Variants in SUPT16H observed in about 807,000 individuals in gnomAD.
The protein encoded by SUPT16H is SPT16 homolog, facilitates chromatin remodeling subunit, also known as FACT complex subunit SPT16.
In SUPT16H, 24 loss-of-function variants were observed where a neutral mutation model predicts 136.2. That is an observed-to-expected ratio of 0.18 (90% CI 0.13 to 0.25). The LOEUF (loss-of-function observed/expected upper bound fraction) is 0.25. SUPT16H is among the 10% of genes least tolerant of loss of function. The pLI is 1.00. For missense variants in SUPT16H, 623 were observed against 1,270.2 expected (o/e 0.49, Z 7.74); for synonymous variants, 415 against 428.2 (o/e 0.97, Z 0.38).
At chr14:21,367,372 G>GTT (rs1411148910) in intron 7 of SUPT16H, among the ~76,000 whole-genome samples, 1 of 152,204 alleles carries the variant, frequency 6.6e-6, no homozygotes, top group African/African-American at 2.4e-5. Flanking sequence ...TGGTGGGCCT[G>GTT]TTCCATTTAT....
intron 8 of SUPT16H, 83 bp downstream of exon 8, chr14:21,366,356 C>A: frequency 7.7e-7 from 1 of 1,295,742 alleles, no homozygotes; most frequent in Non-Finnish European, 1.1e-6. Context: ...CTGAATCAAT[C>A]AATTAGCCTA....
chr14:21,371,106 C>T (rs537425582), intron 3 of SUPT16H, among the ~76,000 whole-genome samples: 4 of 151,196 alleles, frequency 2.6e-5, no homozygotes, highest in East Asian at 2.0e-4. Flanking sequence ...GGAACTCCTG[C>T]GCTCAAGTGC....
chr14:21,368,214 G>A, intron 7 of SUPT16H, 55 bp downstream of exon 7: 1 of 1,552,640 alleles, frequency 6.4e-7, no homozygotes. Flanking sequence ...ACAGCTCCCG[G>A]CCAATGACAT....
chr14:21,383,512 A>G, intron 1 of SUPT16H: 1 of 632,550 alleles, frequency 1.6e-6, no homozygotes, highest in Admixed American at 2.5e-5. Context: ...GGACAGAGCG[A>G]GTGCGTGAGA....
At chr14:21,355,845 A>C (rs1184214553) in intron 22 of SUPT16H, among the ~76,000 whole-genome samples, 1 of 152,208 alleles carries the variant, frequency 6.6e-6, no homozygotes, top group Non-Finnish European at 1.5e-5. Context: ...ACTTTAGACA[A>C]TATACACGGC....
intron 15 of SUPT16H, among the ~76,000 whole-genome samples, chr14:21,361,923 C>A (rs79699880): frequency 0.021 from 3,195 of 152,126 alleles, 112 homozygotes; most frequent in African/African-American, 0.074. Context: ...CACACCACCA[C>A]CCCTGGTTAA....
chr14:21,378,533 T>C (rs1248042916), intron 1 of SUPT16H, among the ~76,000 whole-genome samples: 1 of 152,092 alleles, frequency 6.6e-6, no homozygotes, highest in African/African-American at 2.4e-5. Context: ...TGTGGGGTGG[T>C]GGGTATAAAG....
At chr14:21,382,780 T>C (rs1355577019) in intron 1 of SUPT16H, among the ~76,000 whole-genome samples, 3 of 152,218 alleles carry the variant, frequency 2.0e-5, no homozygotes, top group Non-Finnish European at 2.9e-5. Flanking sequence ...ATTTTTCCTT[T>C]TCATAAAATG....
At chr14:21,373,151 G>A (rs1180350180) in intron 2 of SUPT16H, among the ~76,000 whole-genome samples, 187 bp downstream of exon 2, 3 of 152,142 alleles carry the variant, frequency 2.0e-5, no homozygotes, top group Non-Finnish European at 4.4e-5. Context: ...TTGCCATGTT[G>A]TCCAGGCTGG....
At chr14:21,352,853 T>G in intron 25 of SUPT16H, 35 bp from the exon 26 acceptor site, 1 of 1,613,956 alleles carries the variant, frequency 6.2e-7, no homozygotes. Context: ...TAGCAATAGG[T>G]AAGCTTTAGG....
chr14:21,354,574 C>CTTCT (rs1886387557), intron 22 of SUPT16H, 34 bp from the exon 23 acceptor site: 2 of 1,609,142 alleles, frequency 1.2e-6, no homozygotes, highest in East Asian at 4.5e-5. Context: ...TCAAATCAAT[C>CTTCT]TTCTGTATTT....
At chr14:21,373,483 T>A in intron 1 of SUPT16H, 53 bp from the exon 2 acceptor site, 1 of 1,279,154 alleles carries the variant, frequency 7.8e-7, no homozygotes, top group Non-Finnish European at 1.1e-6. Flanking sequence ...AAAACAGGAA[T>A]ACAGCCTTCA....
rs1009300037 is a variant in SUPT16H at position 21,366,949 on chromosome 14, C to CT, written c.956-421dup. On this transcript the variant is annotated intron_variant, in intron 7 of 25. Coordinates refer to ENST00000216297, the MANE Select transcript of SUPT16H (RefSeq NM_007192.4). ...GTAAATCACTCCACCTGGCCCCATT[C>CT]TTTTTTTTTTGGATGGAGTCTCACT... 1.9e-4 allele frequency among the ~76,000 whole-genome samples: 28 copies of CT among 146,916 alleles called. No homozygotes were observed. The East Asian group carries it at 2.6e-3, about 14-fold the overall frequency.
chr14:21,377,393 T>C (rs1285398425), intron 1 of SUPT16H, among the ~76,000 whole-genome samples: 9 of 152,212 alleles, frequency 5.9e-5, no homozygotes, highest in African/African-American at 2.2e-4. Flanking sequence ...ACTGAAGTCT[T>C]TGACGCCAAA....
intron 19 of SUPT16H, among the ~76,000 whole-genome samples, 180 bp downstream of exon 19, chr14:21,359,304 A>G (rs1886501349): frequency 1.3e-5 from 2 of 151,340 alleles, no homozygotes; most frequent in Admixed American, 6.6e-5. Context: ...CACATTGGCC[A>G]GGCTGGTCTC....
In SUPT16H at chr14:21,380,296, A is replaced by AT. The variant is rs60588939; in HGVS notation, c.66+3565dup. Among the ~76,000 whole-genome samples, 72 of 112,030 alleles carry AT rather than the reference A, an allele frequency of 6.4e-4. 2 individuals carry two copies. Among genetic ancestry groups the AT allele is most frequent in the South Asian group, 4.2e-3 (13 of 3,116 alleles). 73.5% of individuals were successfully genotyped at this position (112,030 alleles called of 152,430 possible). A position where few individuals can be genotyped will look rare whatever the true frequency, so the allele number is the denominator to read the frequency against. On this transcript the variant is annotated intron_variant, in intron 1 of 25. Coordinates refer to ENST00000216297, the MANE Select transcript of SUPT16H (RefSeq NM_007192.4). ...CTGACAGATACTGATGGAAGACTGA[A>AT]TTTTTTTTTTTTTTTTAAAGAAATG...
chr14:21,383,479 G>A (rs1887086287), intron 1 of SUPT16H: 9 of 576,136 alleles, frequency 1.6e-5, no homozygotes, highest in Admixed American at 6.2e-5. Flanking sequence ...CGGGACCAGG[G>A]GTGGAATATT....
rs370378281 is a variant in SUPT16H at position 21,365,060 on chromosome 14, T to G, written c.1120+10A>C. On this transcript the variant is annotated intron_variant, in intron 9 of 25. Transcript: ENST00000216297. ...CACAAAAGCATTTTCCTATTGTATG[T>G]GAAACTTACCTTTCTTCAGTTTGTA... 3 of 1,613,390 alleles carry G rather than the reference T, an allele frequency of 1.9e-6. No homozygotes were observed. The highest frequency in any genetic ancestry group is 2.5e-6 in the Non-Finnish European group (3 of 1,179,570).
chr14:21,367,998 T>C (rs1886707647), intron 7 of SUPT16H, among the ~76,000 whole-genome samples: 1 of 152,196 alleles, frequency 6.6e-6, no homozygotes, highest in African/African-American at 2.4e-5. Flanking sequence ...CACTGCAGCC[T>C]TGACCATTCA....
Sources: allele counts gnomAD v4.1 joint callset (sites outside exome capture counted in the v4.1 genomes callset), GRCh38; gene constraint gnomAD v4.1.1; transcripts MANE v1.5; gene names NCBI Gene and HGNC (gene_info 2026-07-23, HGNC 2026-07-21).